The following FLI1 variants were observed in gnomAD, a reference collection of about 807,000 sequenced individuals.
FLI1 encodes the protein Fli-1 proto-oncogene, ETS transcription factor.
FLI1 carries 13 observed loss-of-function variants against 53.1 expected under a neutral mutation model. The ratio of observed to expected loss-of-function variants is 0.24; its 90% CI spans 0.16 to 0.39. The LOEUF is 0.39. Among genes scored for constraint, FLI1 ranks in the 10% least tolerant of loss-of-function variants. The pLI, the probability that FLI1 is intolerant of heterozygous loss-of-function variation, is 1.00. For synonymous variants in FLI1, 244 were observed against 236.7 expected, an observed-to-expected ratio of 1.03 and a Z score of -0.28; for missense variants, 424 against 600.5, an observed-to-expected ratio of 0.71 and a Z score of 3.07.
chr11:128,769,376 C>G (rs1487665547), intron 3 of FLI1, among the ~76,000 whole-genome samples: 1 of 152,206 alleles, frequency 6.6e-6, no homozygotes, highest in African/African-American at 2.4e-5. Flanking sequence ...AAAACTCCTT[C>G]CATTTGTAAA....
At chr11:128,698,370 G>T (rs1938178467) in intron 1 of FLI1, among the ~76,000 whole-genome samples, 2 of 152,204 alleles carry the variant, frequency 1.3e-5, no homozygotes. Flanking sequence ...CCCCTCAGGT[G>T]GTTACCAAGT....
At chr11:128,760,313 C>G (rs1017336703) in intron 2 of FLI1, among the ~76,000 whole-genome samples, 1 of 152,122 alleles carries the variant, frequency 6.6e-6, no homozygotes, top group Non-Finnish European at 1.5e-5. Context: ...GGAGCCCGAA[C>G]CCAGGCGTTT....
chr11:128,694,317 C>T (rs1418517541), intron 1 of FLI1, 41 bp downstream of exon 1: 11 of 1,311,058 alleles, frequency 8.4e-6, no homozygotes. Flanking sequence ...GGGGACCGGC[C>T]GGGGAGGCGA....
chr11:128,760,848 T>C (rs909745220), intron 2 of FLI1, among the ~76,000 whole-genome samples: 2 of 152,102 alleles, frequency 1.3e-5, no homozygotes, highest in Non-Finnish European at 2.9e-5. Context: ...CTCTGGCCTG[T>C]TGTAACCTGA....
chr11:128,780,464 A>G (rs611560), intron 4 of FLI1, among the ~76,000 whole-genome samples: 105,317 of 152,198 alleles, frequency 0.69, 38,116 homozygotes, highest in African/African-American at 0.92. Flanking sequence ...GCATGGTGGC[A>G]CATGCCTGTA....
chr11:128,729,265 C>G (rs776415897), intron 1 of FLI1, among the ~76,000 whole-genome samples: 8 of 152,204 alleles, frequency 5.3e-5, no homozygotes, highest in Non-Finnish European at 1.0e-4. Context: ...ATTTATCAAC[C>G]ATGTTCGCAT....
chr11:128,783,253 G>T (rs550920665), intron 5 of FLI1, among the ~76,000 whole-genome samples: 1 of 152,164 alleles, frequency 6.6e-6, no homozygotes, highest in South Asian at 2.1e-4. Context: ...ATCCGCATGG[G>T]GTGTGAAGGA....
At chr11:128,741,078 A>G (rs1377516480) in intron 1 of FLI1, among the ~76,000 whole-genome samples, 1 of 152,232 alleles carries the variant, frequency 6.6e-6, no homozygotes, top group Non-Finnish European at 1.5e-5. Context: ...AAAGGCCCAC[A>G]GTCTGCAAGC....
intron 1 of FLI1, among the ~76,000 whole-genome samples, chr11:128,696,561 A>G (rs1938086081): frequency 6.6e-6 from 1 of 152,220 alleles, no homozygotes; most frequent in African/African-American, 2.4e-5. Context: ...TTACCTCTAC[A>G]GTAGTATCTA....
chr11:128,719,149 A>C (rs1348286883), intron 1 of FLI1, among the ~76,000 whole-genome samples: 2 of 151,918 alleles, frequency 1.3e-5, no homozygotes, highest in African/African-American at 4.8e-5. Flanking sequence ...GCAGTATGGG[A>C]GAGGGGAAGG....
chr11:128,735,841 T>C (rs531176484), intron 1 of FLI1, among the ~76,000 whole-genome samples: 1 of 152,322 alleles, frequency 6.6e-6, no homozygotes, highest in South Asian at 2.1e-4. Flanking sequence ...TAATAAGATG[T>C]TTTTCAAATT....
At chr11:128,741,308 G>T (rs11821794) in intron 1 of FLI1, among the ~76,000 whole-genome samples, 1 of 152,144 alleles carries the variant, frequency 6.6e-6, no homozygotes, top group South Asian at 2.1e-4. Flanking sequence ...CAGGAGAATC[G>T]CTTGAACCCG....
At chr11:128,729,157 C>T (rs1242717061) in intron 1 of FLI1, among the ~76,000 whole-genome samples, 1 of 152,206 alleles carries the variant, frequency 6.6e-6, no homozygotes, top group African/African-American at 2.4e-5. Flanking sequence ...CAAAGGACTC[C>T]CAGCCCGGCT....
chr11:128,757,068 C>G (rs1335096883), intron 1 of FLI1, among the ~76,000 whole-genome samples: 1 of 143,782 alleles, frequency 7.0e-6, no homozygotes, highest in Non-Finnish European at 1.5e-5. Flanking sequence ...TTCTTTCTTT[C>G]TTTCTTTCTT....
At chr11:128,723,555 T>A (rs1044892362) in intron 1 of FLI1, among the ~76,000 whole-genome samples, 1 of 152,216 alleles carries the variant, frequency 6.6e-6, no homozygotes, top group East Asian at 1.9e-4. Flanking sequence ...CTGAGCCCCA[T>A]GAAGCAGTGA....
In FLI1 at chr11:128,718,840, G is replaced by T. The variant is rs1441752463; in HGVS notation, c.18+24564G>T. Among the ~76,000 whole-genome samples, 5 of 152,204 alleles carry T rather than the reference G, an allele frequency of 3.3e-5. No homozygotes were observed. The East Asian group carries it at 9.7e-4, about 29-fold the overall frequency. ...AGGTGCAGACTCGGTGAGACCAGCA[G>T]AGCAGCTGAGGTTAGACTCAGTGGA... On this transcript the variant is annotated intron_variant, in intron 1 of 8. Transcript: ENST00000527786.
intron 1 of FLI1, among the ~76,000 whole-genome samples, chr11:128,720,859 C>T (rs1591752300): frequency 6.6e-6 from 1 of 152,212 alleles, no homozygotes; most frequent in Non-Finnish European, 1.5e-5. Flanking sequence ...GCCAGGCCCT[C>T]TGCGCCTTCT....
At position 128,811,376 on chromosome 11, in the gene FLI1, T is replaced by G; in HGVS notation, c.*388T>G. ...CGGGGTTCAGTATGACACAGAATCATGGACTTAACCCGTCATGTTCTGGTT... is the reference window on the plus strand; with the variant it reads ...CGGGGTTCAGTATGACACAGAATCAGGGACTTAACCCGTCATGTTCTGGTT... On this transcript the variant is annotated 3_prime_UTR_variant, in exon 9 of 9. Transcript: ENST00000527786. 2 of 299,964 alleles carry G rather than the reference T, an allele frequency of 6.7e-6. No individual in the cohort carries two copies. Among genetic ancestry groups the G allele is most frequent in the South Asian group, 6.6e-5 (1 of 15,170 alleles). 18.6% of individuals were successfully genotyped at this position (299,964 alleles called of 1,614,324 possible).
At chr11:128,685,629 G>A (rs1591716606), upstream of FLI1, among the ~76,000 whole-genome samples, 2 of 150,708 alleles carry the variant, frequency 1.3e-5, no homozygotes, top group Admixed American at 1.3e-4. Context: ...CCTGGGCGGA[G>A]GCGGCGAAGG....
Sources: gnomAD v4.1 joint callset for allele counts (sites outside exome capture counted in the v4.1 genomes callset) on GRCh38, gnomAD v4.1.1 for gene constraint, MANE v1.5 for transcripts, NCBI Gene and HGNC (gene_info 2026-07-23, HGNC 2026-07-21) for gene names.